Variants in TEX264 observed in about 807,000 individuals in gnomAD.
TEX264 encodes testis expressed 264, ER-phagy receptor, also known as testis-expressed protein 264.
TEX264 carries 13 observed loss-of-function variants against 23.4 expected under a neutral mutation model. The observed-to-expected ratio is 0.56, with a 90% CI of 0.36 to 0.88. The LOEUF (loss-of-function observed/expected upper bound fraction) is 0.88, where lower values mean the gene tolerates loss of function less well. Ranked by LOEUF, TEX264 falls within the 40% of genes least tolerant of loss-of-function variation. The pLI, the probability that TEX264 is intolerant of heterozygous loss-of-function variation, is 0.01. For synonymous variants in TEX264, 159 were observed against 170.0 expected (o/e 0.94, Z 0.50); for missense variants, 340 against 406.8 (o/e 0.84, Z 1.41).
rs1702835796 is a variant in TEX264 at position 51,691,683 on chromosome 3, C to T, written c.480+7049C>T. Among the ~76,000 whole-genome samples, 1 of 152,030 alleles carries T rather than the reference C, an allele frequency of 6.6e-6. No homozygotes were observed. The highest frequency in any genetic ancestry group is 1.5e-5 in the Non-Finnish European group (1 of 68,002). The stretch of plus-strand genomic sequence containing the variant: ...TGGGCCTAAGAGATATAGGCTGGGT[C>T]CTGCAGGCACTAGGGAGACACTGAT... On this transcript the variant is annotated intron_variant, in intron 3 of 4. Coordinates refer to ENST00000341333, the MANE Select transcript of TEX264 (RefSeq NM_015926.6). The surrounding 1 kb of genome is among the most constrained non-coding windows in gnomAD (Gnocchi z 4.4).
At chr3:51,679,386 G>C (rs1002824885) in intron 2 of TEX264, among the ~76,000 whole-genome samples, 3 of 152,164 alleles carry the variant, frequency 2.0e-5, no homozygotes, top group African/African-American at 7.2e-5. Context: ...TGCCTCTCTG[G>C]TTTAGTCCCA....
chr3:51,696,179 G>GTGGCAGA (rs991151848), intron 3 of TEX264, among the ~76,000 whole-genome samples: 2 of 152,188 alleles, frequency 1.3e-5, no homozygotes, highest in Admixed American at 1.3e-4. Context: ...AGTGGTGTCA[G>GTGGCAGA]TGGCAGAGCA....
chr3:51,692,236 T>G (rs1702855311), intron 3 of TEX264, among the ~76,000 whole-genome samples: 1 of 152,308 alleles, frequency 6.6e-6, no homozygotes, highest in South Asian at 2.1e-4. Context: ...TGGAATTTAC[T>G]TATCAAAGAA....
chr3:51,672,669 ACTGT>A (rs1702089797), intron 1 of TEX264, among the ~76,000 whole-genome samples: 3 of 152,186 alleles, frequency 2.0e-5, no homozygotes, highest in South Asian at 4.1e-4. Flanking sequence ...CTGGAATCAG[ACTGT>A]CTGGGCTTGT....
chr3:51,683,804 A>C (rs1178587595), intron 2 of TEX264: 1 of 153,096 alleles, frequency 6.5e-6, no homozygotes, highest in African/African-American at 2.4e-5. Context: ...GTAAACACAC[A>C]CACACGTGTT....
Position 51,686,479 on chromosome 3 carries a change from A to C in TEX264, c.480+1845A>C, listed in dbSNP as rs1428646069. 6.6e-6 allele frequency among the ~76,000 whole-genome samples: 1 copy of C among 152,202 alleles called. No individual in the cohort carries two copies. The highest frequency in any genetic ancestry group is 1.5e-5 in the Non-Finnish European group (1 of 68,040). The stretch of plus-strand genomic sequence containing the variant: ...GAATGAATAAATGAGGCCCTGGGTC[A>C]CCAGCTGTGTCCTTGGCGGTCAAAG... On this transcript the variant is annotated intron_variant, in intron 3 of 4. Coordinates refer to ENST00000341333, the MANE Select transcript of TEX264 (RefSeq NM_015926.6). This position sits in a 1 kb window ranked among gnomAD's most constrained non-coding sequence, Gnocchi z 4.1.
intron 3 of TEX264, among the ~76,000 whole-genome samples, chr3:51,693,476 G>GTTTTT (rs766273698): frequency 3.3e-5 from 4 of 121,702 alleles, no homozygotes; most frequent in East Asian, 2.6e-4. Flanking sequence ...TTTCCATTAT[G>GTTTTT]TTTTTTTTTT....
At position 51,684,595 on chromosome 3, in the gene TEX264, T is replaced by A; in HGVS notation, c.441T>A (p.Ala147=). 6.2e-7 allele frequency: 1 copy of A among 1,614,192 alleles called. No homozygotes were observed. The highest frequency in any genetic ancestry group is 8.5e-7 in the Non-Finnish European group (1 of 1,180,028). The change falls in exon 3 of 5, where the codon GCT becomes GCA. Residue 147 remains alanine, a synonymous_variant. Transcript: ENST00000341333. ...PYTTILSIWL[A]TRRVHPALDT... is the part of the protein sequence containing the mutation. The stretch of plus-strand genomic sequence containing the variant: ...CCACCATTCTGTCCATCTGGCTGGC[T>A]ACCCGCCGTGTCCATCCTGCCTTGG...
At chr3:51,694,039 CTTCCTTCCTCCCT>C (rs1384318749) in intron 3 of TEX264, among the ~76,000 whole-genome samples, 14 of 132,018 alleles carry the variant, frequency 1.1e-4, no homozygotes, top group Non-Finnish European at 1.4e-4. Context: ...TCCTTCCTTC[CTTCCTTCCTCCCT>C]TCCCTTCCCT....
intron 1 of TEX264, among the ~76,000 whole-genome samples, chr3:51,672,953 T>C (rs752224992): frequency 2.0e-5 from 3 of 152,168 alleles, no homozygotes; most frequent in Non-Finnish European, 4.4e-5. Context: ...GAGATACTGA[T>C]GGGTAGAAGC....
At chr3:51,699,317 A>G (rs1022818314) in intron 3 of TEX264, 89 bp from the exon 4 acceptor site, 6 of 1,377,292 alleles carry the variant, frequency 4.4e-6, no homozygotes, top group Non-Finnish European at 6.1e-6. Flanking sequence ...GGGACAGAAT[A>G]GGTAATAGAC....
intron 3 of TEX264, among the ~76,000 whole-genome samples, chr3:51,687,378 G>A (rs945582617): frequency 6.6e-6 from 1 of 152,178 alleles, no homozygotes; most frequent in African/African-American, 2.4e-5. Context: ...GGACAGGGGT[G>A]GCCCTGTGCC....
At chr3:51,674,176 G>A (rs1702150522) in intron 1 of TEX264, 95 bp from the exon 2 acceptor site, 2 of 1,359,034 alleles carry the variant, frequency 1.5e-6, no homozygotes, top group Admixed American at 3.9e-5. Context: ...ACCCAAGGCA[G>A]GTCTGAGGAG....
intron 4 of TEX264, among the ~76,000 whole-genome samples, chr3:51,700,919 A>C (rs1703274735): frequency 6.6e-6 from 1 of 151,930 alleles, no homozygotes; most frequent in Non-Finnish European, 1.5e-5. Context: ...CACCAGGTGC[A>C]TGCCACTGAC....
In TEX264 at chr3:51,691,126, G is replaced by A. The variant is rs548930636; in HGVS notation, c.480+6492G>A. Among the ~76,000 whole-genome samples, 2 of 152,334 alleles carry A rather than the reference G, an allele frequency of 1.3e-5. No individual in the cohort carries two copies. The highest frequency in any genetic ancestry group is 1.9e-4 in the East Asian group (1 of 5,190). ...GGTCTAGGAGACTGCTGGGGGAGCC[G>A]AGGCAAAGCACAGGAAGAGGCTGTG... On this transcript the variant is annotated intron_variant, in intron 3 of 4. Coordinates refer to ENST00000341333, the MANE Select transcript of TEX264 (RefSeq NM_015926.6). This position sits in a 1 kb window ranked among gnomAD's most constrained non-coding sequence, Gnocchi z 4.4.
At chr3:51,688,899 G>A (rs1489525811) in intron 3 of TEX264, among the ~76,000 whole-genome samples, 1 of 152,086 alleles carries the variant, frequency 6.6e-6, no homozygotes, top group Non-Finnish European at 1.5e-5. Context: ...GCCTGAGGTG[G>A]GAGGATCACT....
intron 1 of TEX264, among the ~76,000 whole-genome samples, chr3:51,673,916 C>G (rs774725070): frequency 6.6e-6 from 1 of 152,136 alleles, no homozygotes; most frequent in Non-Finnish European, 1.5e-5. Flanking sequence ...TGGCTGGTAT[C>G]TGGTACATCT....
Position 51,691,214 on chromosome 3 carries a change from G to A in TEX264, c.480+6580G>A, listed in dbSNP as rs1287889118. The stretch of plus-strand genomic sequence containing the variant: ...TTGGGAACTGCTCTGGGCACAGGAA[G>A]CAGCTGCTGCAGGCACCTTATCGGG... On this transcript the variant is annotated intron_variant, in intron 3 of 4. Coordinates refer to ENST00000341333, the MANE Select transcript of TEX264 (RefSeq NM_015926.6). The surrounding 1 kb of genome is among the most constrained non-coding windows in gnomAD (Gnocchi z 4.4). 1.3e-5 allele frequency among the ~76,000 whole-genome samples: 2 copies of A among 152,230 alleles called. No individual in the cohort carries two copies. Among genetic ancestry groups the A allele is most frequent in the Admixed American group, 6.5e-5 (1 of 15,288 alleles).
intron 3 of TEX264, among the ~76,000 whole-genome samples, chr3:51,687,436 A>G (rs1481230469): frequency 6.6e-6 from 1 of 152,186 alleles, no homozygotes; most frequent in East Asian, 1.9e-4. Context: ...GCTCCCTTCC[A>G]TCCCTGCCTT....
Sources: gnomAD v4.1 joint callset for allele counts (sites outside exome capture counted in the v4.1 genomes callset) on GRCh38, gnomAD v4.1.1 for gene constraint, Gnocchi (gnomAD v3.1) non-coding constraint, MANE v1.5 for transcripts, NCBI Gene and HGNC (gene_info 2026-07-23, HGNC 2026-07-21) for gene names.